The following MGAT5 variants were observed in gnomAD, a reference collection of about 807,000 sequenced individuals.
MGAT5 encodes alpha-1,6-mannosylglycoprotein 6-beta-N-acetylglucosaminyltransferase, also known as alpha-1,6-mannosylglycoprotein 6-beta-N-acetylglucosaminyltransferase A.
In MGAT5, 30 loss-of-function variants were observed where a neutral mutation model predicts 94.3. The ratio of observed to expected loss-of-function variants is 0.32; its 90% CI spans 0.24 to 0.43. The LOEUF is 0.43. Among genes scored for constraint, MGAT5 ranks in the 20% least tolerant of loss-of-function variants. MGAT5 has a pLI of 1.00. For missense variants in MGAT5, 691 were observed against 905.5 expected (o/e 0.76, Z 3.04); for synonymous variants, 310 against 322.9 (o/e 0.96, Z 0.43).
intron 1 of MGAT5, among the ~76,000 whole-genome samples, chr2:134,219,612 TA>T (rs778224126): frequency 2.6e-4 from 39 of 152,328 alleles, no homozygotes; most frequent in Non-Finnish European, 3.8e-4. Context: ...TGGGATATTT[TA>T]AAACTTTGAG....
At chr2:134,254,924 C>T (rs1363008379) in intron 1 of MGAT5, among the ~76,000 whole-genome samples, 1 of 152,204 alleles carries the variant, frequency 6.6e-6, no homozygotes, top group Non-Finnish European at 1.5e-5. Context: ...TCCCTGAACA[C>T]ATTTCAGGAA....
At chr2:134,430,518 TGAAG>T (rs1286047045) in intron 14 of MGAT5, among the ~76,000 whole-genome samples, 1 of 152,014 alleles carries the variant, frequency 6.6e-6, no homozygotes, top group Non-Finnish European at 1.5e-5. Flanking sequence ...ACAGAAACAA[TGAAG>T]GAAGGAAGGG....
chr2:134,156,775 C>A (rs996011448), intron 1 of MGAT5, among the ~76,000 whole-genome samples: 10 of 152,180 alleles, frequency 6.6e-5, no homozygotes, highest in African/African-American at 2.4e-4. Context: ...TCACGACATT[C>A]CTCATGGGTT....
At chr2:134,317,100 A>G (rs992102563) in intron 2 of MGAT5, among the ~76,000 whole-genome samples, 2 of 152,102 alleles carry the variant, frequency 1.3e-5, no homozygotes, top group African/African-American at 4.8e-5. Flanking sequence ...TTCTCAGTTC[A>G]TGCAGTTGTC....
At chr2:134,238,091 A>T (rs952440728) in intron 1 of MGAT5, among the ~76,000 whole-genome samples, 1 of 151,848 alleles carries the variant, frequency 6.6e-6, no homozygotes, top group Non-Finnish European at 1.5e-5. Flanking sequence ...TATTCATTTC[A>T]TAAGTTTGGA....
At chr2:134,131,736 G>GACTTGCTTTGGCCAGTGGGATGTTAGC in intron 1 of MGAT5, among the ~76,000 whole-genome samples, 1 of 151,264 alleles carries the variant, frequency 6.6e-6, no homozygotes. Context: ...TTGGCTATGT[G>GACTTGCTTTGGCCAGTGGGATGTTAGC]ACTTGCTTTG....
chr2:134,157,233 T>A (rs1687519377), intron 1 of MGAT5, among the ~76,000 whole-genome samples: 1 of 152,228 alleles, frequency 6.6e-6, no homozygotes, highest in South Asian at 2.1e-4. Context: ...GTTAATTTTT[T>A]TGTTTTGACA....
chr2:134,221,999 C>T (rs1244333058), intron 1 of MGAT5, among the ~76,000 whole-genome samples: 3 of 152,078 alleles, frequency 2.0e-5, no homozygotes, highest in Non-Finnish European at 2.9e-5. Context: ...CCAGGTCCCA[C>T]GGTGCTAGAA....
intron 1 of MGAT5, among the ~76,000 whole-genome samples, chr2:134,226,968 ATT>A (rs33946190): frequency 0.32 from 45,262 of 143,014 alleles, 8,144 homozygotes; most frequent in African/African-American, 0.51. Flanking sequence ...AGATAGTCCT[ATT>A]TTTTTTTTTT....
At chr2:134,178,477 G>A (rs1688584415) in intron 1 of MGAT5, among the ~76,000 whole-genome samples, 1 of 152,156 alleles carries the variant, frequency 6.6e-6, no homozygotes, top group Non-Finnish European at 1.5e-5. Context: ...ATGGAGTTGG[G>A]AGAGAGACCC....
At chr2:134,255,730 G>C (rs1207420651) in intron 1 of MGAT5, among the ~76,000 whole-genome samples, 1 of 152,062 alleles carries the variant, frequency 6.6e-6, no homozygotes, top group Non-Finnish European at 1.5e-5. Flanking sequence ...GCAAGAATGG[G>C]GTTAGGTGAG....
At chr2:134,319,417 TCTC>T (rs1446986184) in intron 4 of MGAT5, among the ~76,000 whole-genome samples, 4 of 151,948 alleles carry the variant, frequency 2.6e-5, no homozygotes, top group African/African-American at 9.7e-5. Context: ...TATCAGGAAA[TCTC>T]CTGGGTTTGT....
intron 1 of MGAT5, among the ~76,000 whole-genome samples, chr2:134,245,172 C>G (rs1299097585): frequency 6.6e-6 from 1 of 152,098 alleles, no homozygotes; most frequent in Non-Finnish European, 1.5e-5. Flanking sequence ...GCCACCACGC[C>G]CGGCTAATTT....
At chr2:134,298,999 G>A (rs1322033109) in intron 2 of MGAT5, among the ~76,000 whole-genome samples, 1 of 152,174 alleles carries the variant, frequency 6.6e-6, no homozygotes, top group Non-Finnish European at 1.5e-5. Context: ...TCCCATTTGA[G>A]AATAATATTC....
chr2:134,177,151 G>A (rs62165707), intron 1 of MGAT5, among the ~76,000 whole-genome samples: 4 of 115,888 alleles, frequency 3.5e-5, no homozygotes, highest in East Asian at 2.3e-4. Context: ...ACCCGTGTGT[G>A]TGTGTGTGTG....
chr2:134,338,751 A>G (rs1350107488), intron 6 of MGAT5, among the ~76,000 whole-genome samples: 2 of 152,088 alleles, frequency 1.3e-5, no homozygotes, highest in African/African-American at 4.8e-5. Flanking sequence ...CTATTATATC[A>G]TCATGAAAAT....
chr2:134,224,486 C>T (rs1680950982), intron 1 of MGAT5, among the ~76,000 whole-genome samples: 2 of 152,130 alleles, frequency 1.3e-5, no homozygotes, highest in South Asian at 4.1e-4. Context: ...TTTACTTAAA[C>T]ACTGTGGCCC....
intron 1 of MGAT5, among the ~76,000 whole-genome samples, chr2:134,242,896 T>C (rs1682044953): frequency 6.6e-6 from 1 of 152,078 alleles, no homozygotes; most frequent in Admixed American, 6.6e-5. Flanking sequence ...CTAACAAGGC[T>C]CTGTGGTAGA....
chr2:134,294,158 T>C (rs1685536861), intron 2 of MGAT5, among the ~76,000 whole-genome samples: 1 of 152,188 alleles, frequency 6.6e-6, no homozygotes, highest in Non-Finnish European at 1.5e-5. Context: ...CCTTCCAGGG[T>C]GGCTATTCTG....
Sources: allele counts gnomAD v4.1 joint callset (sites outside exome capture counted in the v4.1 genomes callset), GRCh38; gene constraint gnomAD v4.1.1; transcripts MANE v1.5; gene names NCBI Gene and HGNC (gene_info 2026-07-23, HGNC 2026-07-21).